The following HIVEP3 variants were observed in gnomAD, a reference collection of about 807,000 sequenced individuals.
HIVEP3 encodes the protein HIVEP zinc finger 3.
In HIVEP3, 49 loss-of-function variants were observed where a neutral mutation model predicts 152.8. The observed-to-expected ratio is 0.32, with a 90% CI of 0.26 to 0.41. HIVEP3 has a LOEUF of 0.41. Ranked by LOEUF, HIVEP3 falls within the 10% of genes least tolerant of loss-of-function variation. The probability of loss-of-function intolerance (pLI) is 1.00; values close to 1 mark genes in which losing one functional copy is unlikely to be tolerated. For missense variants in HIVEP3, 2,790 were observed against 3,103.3 expected (o/e 0.90, Z 2.40); for synonymous variants, 1,269 against 1,289.0 (o/e 0.98, Z 0.33).
chr1:41,697,629 C>T (rs1646296793), intron 2 of HIVEP3, among the ~76,000 whole-genome samples: 1 of 152,154 alleles, frequency 6.6e-6, no homozygotes, highest in African/African-American at 2.4e-5. Context: ...AGGCTGCTGT[C>T]TAAACTCTCA....
At chr1:41,523,304 A>G (rs1282435508) in intron 6 of HIVEP3, among the ~76,000 whole-genome samples, 2 of 152,180 alleles carry the variant, frequency 1.3e-5, no homozygotes, top group Non-Finnish European at 2.9e-5. Context: ...GTGGGTGGGG[A>G]GTCCTGGGCC....
rs553777739 is a variant in HIVEP3, at chr1:41,894,613, C to T, written c.-801+23800G>A. Among the ~76,000 whole-genome samples the T allele has an allele frequency of 6.6e-5, 10 of 152,262 alleles. No individual in the cohort carries two copies. The South Asian group carries it at 1.0e-3, about 16-fold the overall frequency. ...TTTCCACTCCCGAAACATGCAGCAA[C>T]GCCAGAATGTTTATCCAGAAATTCA... On this transcript the variant is annotated intron_variant, in intron 1 of 8. Coordinates refer to ENST00000372583, the MANE Select transcript of HIVEP3 (RefSeq NM_024503.5).
intron 1 of HIVEP3, among the ~76,000 whole-genome samples, chr1:41,913,026 G>A (rs952769877): frequency 5.3e-5 from 8 of 152,212 alleles, no homozygotes; most frequent in African/African-American, 1.9e-4. Context: ...CCACAGCAAA[G>A]AACAAGTCAC....
chr1:41,926,540 A>G lies in HIVEP3; in HGVS notation n.120-8016T>C, dbSNP rs749207274. 3.9e-5 allele frequency among the ~76,000 whole-genome samples: 6 copies of G among 152,154 alleles called. 1 individual carries two copies. Among genetic ancestry groups the G allele is most frequent in the Non-Finnish European group, 5.9e-5 (4 of 68,008 alleles). ...AATGCAGTGGGGAGGCTATGACCTC[A>G]GTTTGTAGGGGAAGGAAATAGCAGA... On this transcript the variant is annotated intron_variant and non_coding_transcript_variant, in intron 1 of 3. Coordinates refer to the HIVEP3 transcript ENST00000489103.
chr1:41,707,633 T>C (rs1187940950), intron 1 of HIVEP3, among the ~76,000 whole-genome samples: 2 of 152,192 alleles, frequency 1.3e-5, no homozygotes, highest in African/African-American at 4.8e-5. Flanking sequence ...GAGTTGGGTG[T>C]AGATGGTACA....
At chr1:41,702,400 T>G (rs577648320) in intron 1 of HIVEP3, among the ~76,000 whole-genome samples, 15 of 152,340 alleles carry the variant, frequency 9.8e-5, no homozygotes, top group Non-Finnish European at 1.5e-5. Flanking sequence ...ATCCACATTT[T>G]CTTTCTTTGG....
At chr1:41,665,546 AAATGT>A (rs1645781806) in intron 2 of HIVEP3, among the ~76,000 whole-genome samples, 1 of 151,444 alleles carries the variant, frequency 6.6e-6, no homozygotes, top group South Asian at 2.1e-4. Context: ...TCCCATTGCT[AAATGT>A]TACACTGCTG....
intron 3 of HIVEP3, among the ~76,000 whole-genome samples, chr1:41,624,612 C>G (rs1645090753): frequency 6.6e-6 from 1 of 152,208 alleles, no homozygotes; most frequent in Non-Finnish European, 1.5e-5. Flanking sequence ...CAAGTACACT[C>G]TGAAGCTTTC....
chr1:41,646,407 G>A (rs1354388074), intron 2 of HIVEP3, among the ~76,000 whole-genome samples: 6 of 152,170 alleles, frequency 3.9e-5, no homozygotes, highest in Admixed American at 2.0e-4. Context: ...AGCCGGCAGA[G>A]GCACACACAG....
At chr1:41,823,085 A>T (rs1411243269) in intron 1 of HIVEP3, among the ~76,000 whole-genome samples, 1 of 152,174 alleles carries the variant, frequency 6.6e-6, no homozygotes, top group Non-Finnish European at 1.5e-5. Context: ...ATGGCCTTAT[A>T]AAAAGAAGGA....
At chr1:41,890,843 T>C (rs1015388570) in intron 1 of HIVEP3, among the ~76,000 whole-genome samples, 2 of 152,218 alleles carry the variant, frequency 1.3e-5, no homozygotes, top group Non-Finnish European at 2.9e-5. Context: ...CTTCCTTATA[T>C]AACCTGCACA....
chr1:42,009,056 A>G (rs1288998642), intron 1 of HIVEP3, among the ~76,000 whole-genome samples: 3 of 152,200 alleles, frequency 2.0e-5, no homozygotes, highest in Admixed American at 1.3e-4. Context: ...GACGCTGCAA[A>G]ATAACAGAAG....
chr1:41,518,278 AG>A (rs1456948753), intron 7 of HIVEP3, 123 bp downstream of exon 7: 1 of 794,288 alleles, frequency 1.3e-6, no homozygotes, highest in Admixed American at 1.7e-5. Context: ...GGAGGGAGAG[AG>A]GGGAGGAGGG....
At chr1:41,607,224 T>G (rs967923897) in intron 3 of HIVEP3, among the ~76,000 whole-genome samples, 3 of 152,226 alleles carry the variant, frequency 2.0e-5, no homozygotes, top group African/African-American at 7.2e-5. Flanking sequence ...ATCTCCTAGT[T>G]GATGGATACT....
intron 2 of HIVEP3, among the ~76,000 whole-genome samples, chr1:41,668,789 C>G (rs926153551): frequency 6.6e-6 from 1 of 152,210 alleles, no homozygotes; most frequent in Non-Finnish European, 1.5e-5. Flanking sequence ...CAGTGATGTT[C>G]TGGTAATTAG....
intron 1 of HIVEP3, among the ~76,000 whole-genome samples, chr1:41,883,694 T>A: frequency 6.6e-6 from 1 of 152,138 alleles, no homozygotes. Context: ...GTGCAGAATG[T>A]GATAGCAAGT....
In HIVEP3 at chr1:41,897,017, C is replaced by T. The variant is rs567490353; in HGVS notation, c.-801+21396G>A. 5.3e-5 allele frequency among the ~76,000 whole-genome samples: 8 copies of T among 152,256 alleles called. No homozygotes were observed. The South Asian group carries it at 6.2e-4, about 12-fold the overall frequency. The stretch of plus-strand genomic sequence containing the variant: ...GTTAAAGAAAAAAATGATTCAATGG[C>T]GCTTGCTAACGAACTATAGGGCAAG... On this transcript the variant is annotated intron_variant, in intron 1 of 8. Transcript: ENST00000372583.
rs1468575327 is a variant in HIVEP3 at position 41,533,943 on chromosome 1, T to C, written c.5208-9033A>G. Among the ~76,000 whole-genome samples the C allele has an allele frequency of 1.5e-3, 1 of 688 alleles. No individual in the cohort carries two copies. The highest frequency in any genetic ancestry group is 0.025 in the East Asian group (1 of 40). The allele number at this position is 688 out of a possible 152,430, so 0.5% of individuals were successfully genotyped here. A position where few individuals can be genotyped will look rare whatever the true frequency, so the allele number is the denominator to read the frequency against. ...GCAGTGTCTGCTCCTGGGTCCCCGT[T>C]CTCTCTCAGCAAGCAGCACCTGCAC... On this transcript the variant is annotated intron_variant, in intron 5 of 8. Coordinates refer to ENST00000372583, the MANE Select transcript of HIVEP3 (RefSeq NM_024503.5). The surrounding 1 kb of genome is among the most constrained non-coding windows in gnomAD (Gnocchi z 4.3).
intron 1 of HIVEP3, among the ~76,000 whole-genome samples, chr1:41,951,605 G>A (rs561754003): frequency 6.6e-6 from 1 of 152,316 alleles, no homozygotes; most frequent in South Asian, 2.1e-4. Context: ...CTGAGACTGG[G>A]TAATTTATCA....
Sources: gnomAD v4.1 joint callset for allele counts (sites outside exome capture counted in the v4.1 genomes callset) on GRCh38, gnomAD v4.1.1 for gene constraint, Gnocchi (gnomAD v3.1) non-coding constraint, MANE v1.5 for transcripts, NCBI Gene and HGNC (gene_info 2026-07-23, HGNC 2026-07-21) for gene names.